Variants in SUSD4 observed in about 807,000 individuals in gnomAD.
The protein encoded by SUSD4 is sushi domain-containing protein 4.
In SUSD4, 41 loss-of-function variants were observed where a neutral mutation model predicts 50.5. The observed-to-expected ratio is 0.81, with a 90% CI of 0.63 to 1.05. The LOEUF is 1.05. SUSD4 is among the 50% of genes least tolerant of loss of function. The pLI, the probability that SUSD4 is intolerant of heterozygous loss-of-function variation, is 0.00. For synonymous variants in SUSD4, 257 were observed against 257.3 expected, an observed-to-expected ratio of 1.00 and a Z score of 0.01; for missense variants, 580 against 634.7, an observed-to-expected ratio of 0.91 and a Z score of 0.93.
At position 223,363,145 on chromosome 1, in the gene SUSD4, A is replaced by T. The variant is rs562708669; in HGVS notation, c.148+133T>A. 2.3e-5 allele frequency: 26 copies of T among 1,118,482 alleles called. No homozygotes were observed. The South Asian group carries it at 8.0e-4, about 34-fold the overall frequency. 69.3% of individuals were successfully genotyped at this position (1,118,482 alleles called of 1,614,324 possible). On this transcript the variant is annotated intron_variant, in intron 2 of 8. Coordinates refer to ENST00000366878, the MANE Select transcript of SUSD4 (RefSeq NM_017982.4). Reference sequence around the variant, plus strand: ...GAAGGGCGGCCATAGGCTGGGACGCAGGCACCCTCGCGTTGTCAGATCCTC... The same window carrying T: ...GAAGGGCGGCCATAGGCTGGGACGCTGGCACCCTCGCGTTGTCAGATCCTC...
intron 4 of SUSD4, among the ~76,000 whole-genome samples, 166 bp downstream of exon 4, chr1:223,268,336 A>G (rs1662665650): frequency 6.6e-6 from 1 of 151,948 alleles, no homozygotes; most frequent in South Asian, 2.1e-4. Flanking sequence ...CCAAAAACAG[A>G]GCTTTGGCAA....
At chr1:223,315,900 G>A (rs901559600) in intron 2 of SUSD4, among the ~76,000 whole-genome samples, 1 of 152,180 alleles carries the variant, frequency 6.6e-6, no homozygotes, top group African/African-American at 2.4e-5. Context: ...AAGGGAAGGG[G>A]ATGCTAGACA....
intron 2 of SUSD4, among the ~76,000 whole-genome samples, chr1:223,350,350 T>G (rs1171330934): frequency 1.3e-5 from 2 of 151,908 alleles, no homozygotes; most frequent in South Asian, 2.1e-4. Flanking sequence ...AATGTAAGAG[T>G]GGATGAAGAT....
At chr1:223,356,163 TA>T (rs1365753814) in intron 2 of SUSD4, among the ~76,000 whole-genome samples, 1 of 139,234 alleles carries the variant, frequency 7.2e-6, no homozygotes, top group Admixed American at 7.0e-5. Flanking sequence ...CAATTATTTC[TA>T]TTTTTTTTTT....
chr1:223,268,726 T>A, intron 3 of SUSD4, 51 bp from the exon 4 acceptor site: 1 of 1,570,816 alleles, frequency 6.4e-7, no homozygotes, highest in Non-Finnish European at 8.7e-7. Context: ...AAAACGGTTG[T>A]GGTTCACAGC....
At chr1:223,255,795 A>C (rs988999360) in intron 5 of SUSD4, among the ~76,000 whole-genome samples, 3 of 152,218 alleles carry the variant, frequency 2.0e-5, no homozygotes, top group Admixed American at 2.0e-4. Context: ...TCTGCCGATT[A>C]AATTTTATGC....
chr1:223,346,781 T>C (rs887611413), intron 2 of SUSD4, among the ~76,000 whole-genome samples: 11 of 152,238 alleles, frequency 7.2e-5, no homozygotes, highest in African/African-American at 2.4e-4. Context: ...AATTGATAAA[T>C]GCTACCCATT....
chr1:223,268,466 A>G (rs1425316989), intron 4 of SUSD4, 36 bp downstream of exon 4: 7 of 1,586,760 alleles, frequency 4.4e-6, no homozygotes, highest in South Asian at 1.2e-5. Context: ...CGAGAGAATA[A>G]TAGCCCAGCT....
chr1:223,301,045 C>T (rs909598849), intron 2 of SUSD4, among the ~76,000 whole-genome samples: 1 of 152,204 alleles, frequency 6.6e-6, no homozygotes, highest in African/African-American at 2.4e-5. Context: ...TTCTGACTTG[C>T]AGTCCAATGT....
At chr1:223,315,036 A>T (rs1481366942) in intron 2 of SUSD4, among the ~76,000 whole-genome samples, 1 of 152,208 alleles carries the variant, frequency 6.6e-6, no homozygotes, top group Non-Finnish European at 1.5e-5. Flanking sequence ...TATATTTTCT[A>T]TACTAGAGTT....
intron 2 of SUSD4, among the ~76,000 whole-genome samples, chr1:223,331,624 G>C (rs556904161): frequency 1.3e-3 from 191 of 152,324 alleles, no homozygotes; most frequent in Non-Finnish European, 2.4e-3. Context: ...CAGAAAAGGA[G>C]GTGCTCAGGG....
chr1:223,309,046 G>A (rs1156975747), intron 2 of SUSD4, among the ~76,000 whole-genome samples: 1 of 152,076 alleles, frequency 6.6e-6, no homozygotes, highest in Non-Finnish European at 1.5e-5. Flanking sequence ...AAAAATTTGG[G>A]GAAACATTAT....
chr1:223,363,176 G>A, intron 2 of SUSD4, 102 bp downstream of exon 2: 3 of 1,304,646 alleles, frequency 2.3e-6, no homozygotes, highest in Non-Finnish European at 3.0e-6. Flanking sequence ...TCCTCCTGAA[G>A]TCTGGGTGTA....
intron 2 of SUSD4, among the ~76,000 whole-genome samples, chr1:223,325,446 G>A (rs1277051567): frequency 1.3e-5 from 2 of 152,086 alleles, no homozygotes; most frequent in African/African-American, 4.8e-5. Context: ...ATAATGTTCT[G>A]TAAACCAGGT....
chr1:223,289,715 C>T (rs1424143946), intron 3 of SUSD4, among the ~76,000 whole-genome samples: 4 of 152,154 alleles, frequency 2.6e-5, no homozygotes, highest in Non-Finnish European at 5.9e-5. Flanking sequence ...CTCAGTTTCT[C>T]TATAGGTCAA....
chr1:223,304,753 C>T (rs975068027), intron 2 of SUSD4, among the ~76,000 whole-genome samples: 18 of 133,508 alleles, frequency 1.3e-4, no homozygotes, highest in Non-Finnish European at 2.7e-4. Context: ...AGCTGTGTAA[C>T]TCTGGGTAAG....
At chr1:223,361,192 T>A (rs763695858) in intron 2 of SUSD4, among the ~76,000 whole-genome samples, 2 of 152,322 alleles carry the variant, frequency 1.3e-5, no homozygotes, top group East Asian at 3.9e-4. Flanking sequence ...GGAGCCTCCA[T>A]GTGCATTTCT....
At chr1:223,273,470 C>T (rs1469392421) in intron 3 of SUSD4, among the ~76,000 whole-genome samples, 2 of 152,218 alleles carry the variant, frequency 1.3e-5, no homozygotes, top group Non-Finnish European at 2.9e-5. Context: ...AGATGAGTGT[C>T]TTTGTTTGTC....
chr1:223,297,267 T>C (rs1312870873), intron 2 of SUSD4, among the ~76,000 whole-genome samples: 1 of 152,196 alleles, frequency 6.6e-6, no homozygotes, highest in Non-Finnish European at 1.5e-5. Context: ...TCTTTCAGGA[T>C]GCTTAGTGTG....
Sources: gnomAD v4.1 joint callset for allele counts (sites outside exome capture counted in the v4.1 genomes callset) on GRCh38, gnomAD v4.1.1 for gene constraint, MANE v1.5 for transcripts, NCBI Gene and HGNC (gene_info 2026-07-23, HGNC 2026-07-21) for gene names.